The following RIMKLA variants were observed in gnomAD, a reference collection of about 807,000 sequenced individuals.
The protein encoded by RIMKLA is ribosomal modification protein rimK like family member A, also known as N-acetylaspartylglutamate synthase A.
In RIMKLA, 14 loss-of-function variants were observed where a neutral mutation model predicts 32.7. The observed-to-expected ratio is 0.43, with a 90% CI of 0.28 to 0.67. The LOEUF (loss-of-function observed/expected upper bound fraction) is 0.67. Among genes scored for constraint, RIMKLA ranks in the 30% least tolerant of loss-of-function variants. The pLI is 0.18. For synonymous variants in RIMKLA, 176 were observed against 204.1 expected (o/e 0.86, Z 1.18); for missense variants, 410 against 519.0 (o/e 0.79, Z 2.04).
rs888006172 is a variant in RIMKLA, at chr1:42,416,373, C to T, written c.*1399C>T. The T allele has an allele frequency of 1.6e-4, 24 of 152,294 alleles. No individual in the cohort carries two copies. The highest frequency in any genetic ancestry group is 1.4e-3 in the Admixed American group (21 of 15,300). The allele number at this position is 152,294 out of a possible 1,614,324, so 9.4% of individuals were successfully genotyped here. ...CTTTGAAGCCATGCAAGGCAAGAGGCCTCACAACTTTATAGTCAGACCTTG... is the reference window on the plus strand; with the variant it reads ...CTTTGAAGCCATGCAAGGCAAGAGGTCTCACAACTTTATAGTCAGACCTTG... On this transcript the variant is annotated 3_prime_UTR_variant, in exon 5 of 5. Transcript: ENST00000431473.
Position 42,399,623 on chromosome 1 carries a change from C to G in RIMKLA, c.383C>G (p.Thr128Ser), listed in dbSNP as rs1643080035. The change falls in exon 2 of 5, where the codon ACC (threonine) becomes AGC (serine). Residue 128 changes from threonine (T) to serine (S), a missense_variant. Coordinates refer to ENST00000431473, the MANE Select transcript of RIMKLA (RefSeq NM_173642.4). ...GGACATGGGGTCCCCATGCCAGACA[C>G]CTTCTCCTATGGTGAGTCAGCTTGA... ...LAGHGVPMPD[T>S]FSYGGHEDFS... The G allele has an allele frequency of 1.9e-6, 3 of 1,601,708 alleles. No individual in the cohort carries two copies. In the East Asian group the frequency reaches 6.7e-5, roughly 36 times the overall value.
rs1643268392 is a variant in RIMKLA, at chr1:42,418,330, G to C, written c.*3356G>C. 6.6e-6 allele frequency: 1 copy of C among 152,176 alleles called. No individual in the cohort carries two copies. The highest frequency in any genetic ancestry group is 2.4e-5 in the African/African-American group (1 of 41,444). 9.4% of individuals were successfully genotyped at this position (152,176 alleles called of 1,614,324 possible). On this transcript the variant is annotated 3_prime_UTR_variant, in exon 5 of 5. Coordinates refer to ENST00000431473, the MANE Select transcript of RIMKLA (RefSeq NM_173642.4). ...TGATCGGGTATGGGGTTGCCAGAAT[G>C]AGGATTTGGGGCTTTAGGTCTTTCG...
chr1:42,408,945 C>T (rs1271260001), intron 3 of RIMKLA, among the ~76,000 whole-genome samples: 2 of 151,984 alleles, frequency 1.3e-5, no homozygotes, highest in Non-Finnish European at 2.9e-5. Context: ...TGGTGACTCA[C>T]ACCTGTAATC....
Position 42,416,096 on chromosome 1 carries a change from G to GT in RIMKLA, c.*1122_*1123insT, listed in dbSNP as rs1553177722. On this transcript the variant is annotated 3_prime_UTR_variant, in exon 5 of 5. Coordinates refer to ENST00000431473, the MANE Select transcript of RIMKLA (RefSeq NM_173642.4). ...CCCATTGCACATTTTGCGGGGGGGGGGGCTAATGTAGACATGACACCAAGT... is the reference window on the plus strand; with the variant it reads ...CCCATTGCACATTTTGCGGGGGGGGGTGGCTAATGTAGACATGACACCAAGT... 1 of 131,602 alleles carries GT rather than the reference G, an allele frequency of 7.6e-6. No homozygotes were observed. The highest frequency in any genetic ancestry group is 1.7e-5 in the Non-Finnish European group (1 of 58,754). 8.2% of individuals were successfully genotyped at this position (131,602 alleles called of 1,614,324 possible).
chr1:42,381,164 C>G (rs1343744448), intron 1 of RIMKLA, 67 bp downstream of exon 1: 1 of 1,185,334 alleles, frequency 8.4e-7, no homozygotes, highest in Non-Finnish European at 1.1e-6. Flanking sequence ...GTCGGGTGGG[C>G]GCGCTCGCCG....
In RIMKLA at chr1:42,417,187, G is replaced by A. The variant is rs1225007620; in HGVS notation, c.*2213G>A. 6.6e-6 allele frequency: 1 copy of A among 152,302 alleles called. No homozygotes were observed. Among genetic ancestry groups the A allele is most frequent in the East Asian group, 1.9e-4 (1 of 5,198 alleles). 9.4% of individuals were successfully genotyped at this position (152,302 alleles called of 1,614,324 possible). On this transcript the variant is annotated 3_prime_UTR_variant, in exon 5 of 5. Coordinates refer to ENST00000431473, the MANE Select transcript of RIMKLA (RefSeq NM_173642.4). ...AAGGAGGCTAGCAGGGCCCCAGCCT[G>A]AGCAGAGCAGCTAGAGAGTGCTTCC... is the stretch of plus-strand genomic sequence containing the variant.
At chr1:42,409,436 T>C (rs1177303329) in intron 3 of RIMKLA, among the ~76,000 whole-genome samples, 1 of 152,242 alleles carries the variant, frequency 6.6e-6, no homozygotes, top group East Asian at 1.9e-4. Flanking sequence ...CACAGAATTA[T>C]GCATAGACCT....
Position 42,397,433 on chromosome 1 carries a change from G to T in RIMKLA, c.164-1971G>T, listed in dbSNP as rs182458367. 2.6e-5 allele frequency among the ~76,000 whole-genome samples: 4 copies of T among 152,314 alleles called. No individual in the cohort carries two copies. In the East Asian group the frequency reaches 7.7e-4, roughly 29 times the overall value. ...TATCTCTGTAGACTGTGTTTTAAAG[G>T]TTTTTTTGCCTGGGCACAGTGGCTT... On this transcript the variant is annotated intron_variant, in intron 1 of 4. Coordinates refer to ENST00000431473, the MANE Select transcript of RIMKLA (RefSeq NM_173642.4).
Position 42,419,389 on chromosome 1 carries a change from A to G in RIMKLA, c.*4415A>G, listed in dbSNP as rs900153147. The G allele has an allele frequency of 6.6e-6, 1 of 152,340 alleles. No individual in the cohort carries two copies. Among genetic ancestry groups the G allele is most frequent in the African/African-American group, 2.4e-5 (1 of 41,578 alleles). The allele number at this position is 152,340 out of a possible 1,614,324, so 9.4% of individuals were successfully genotyped here. A position where few individuals can be genotyped will look rare whatever the true frequency, so the allele number is the denominator to read the frequency against. ...CAGGGCAACACTAAGAAAGTCGCTTATGATCCCCATTTGAGACCATGGAAT... is the reference window on the plus strand; with the variant it reads ...CAGGGCAACACTAAGAAAGTCGCTTGTGATCCCCATTTGAGACCATGGAAT... On this transcript the variant is annotated 3_prime_UTR_variant, in exon 5 of 5. Coordinates refer to ENST00000431473, the MANE Select transcript of RIMKLA (RefSeq NM_173642.4).
In RIMKLA at chr1:42,399,469, C is replaced by T; in HGVS notation, c.229C>T (p.Pro77Ser). 6.2e-7 allele frequency: 1 copy of T among 1,613,496 alleles called. No homozygotes were observed. Among genetic ancestry groups the T allele is most frequent in the Non-Finnish European group, 8.5e-7 (1 of 1,179,794 alleles). ...TGTGGTGCTTGTACGGGTACCCACA[C>T]CCTCAGTGCAGTCAGACAGTGACAT... The part of the protein sequence containing the change: ...PDVVLVRVPT[P>S]SVQSDSDITV... Residue 77 changes from proline to serine, a missense_variant, in exon 2 of 5, where the codon CCC (proline) becomes TCC (serine). Pro to Ser is a moderately conservative substitution (Grantham distance 74). Transcript: ENST00000431473.
intron 1 of RIMKLA, among the ~76,000 whole-genome samples, chr1:42,381,333 G>A (rs1047023329): frequency 2.0e-5 from 3 of 152,196 alleles, no homozygotes; most frequent in African/African-American, 4.8e-5. Context: ...ATTTACTTAG[G>A]GGACTTCATT....
At chr1:42,388,546 A>C (rs1231571986) in intron 1 of RIMKLA, among the ~76,000 whole-genome samples, 4 of 135,350 alleles carry the variant, frequency 3.0e-5, no homozygotes, top group African/African-American at 1.1e-4. Flanking sequence ...TTGAGATGGA[A>C]TCTTGCTCTG....
chr1:42,400,807 G>A (rs1325833144), intron 2 of RIMKLA, among the ~76,000 whole-genome samples: 3 of 152,210 alleles, frequency 2.0e-5, no homozygotes, highest in Non-Finnish European at 4.4e-5. Flanking sequence ...GCAGACTAGG[G>A]AAGTGGAGCT....
Position 42,424,185 on chromosome 1 carries a change from T to C in RIMKLA, c.*9211T>C, listed in dbSNP as rs779793887. Among the ~76,000 whole-genome samples the C allele has an allele frequency of 2.0e-5, 3 of 152,230 alleles. No homozygotes were observed. Among genetic ancestry groups the C allele is most frequent in the Non-Finnish European group, 4.4e-5 (3 of 68,042 alleles). On this transcript the variant is annotated 3_prime_UTR_variant, in exon 5 of 5. Coordinates refer to ENST00000431473, the MANE Select transcript of RIMKLA (RefSeq NM_173642.4). ...GTTCTAATAAGAATACGTAAGAATG[T>C]GTCCTTGTTTTTAGAAAATACACAT...
chr1:42,400,066 A>C (rs907919883), intron 2 of RIMKLA, among the ~76,000 whole-genome samples: 1 of 152,224 alleles, frequency 6.6e-6, no homozygotes, highest in Non-Finnish European at 1.5e-5. Flanking sequence ...AAAAGAGCTA[A>C]CATAGAGTTA....
intron 1 of RIMKLA, among the ~76,000 whole-genome samples, chr1:42,388,139 C>T (rs1642965954): frequency 6.6e-6 from 1 of 152,104 alleles, no homozygotes; most frequent in African/African-American, 2.4e-5. Flanking sequence ...GAAGCAGATA[C>T]ATAGGGCCTG....
At position 42,420,246 on chromosome 1, in the gene RIMKLA, C is replaced by T. The variant is rs143531338; in HGVS notation, c.*5272C>T. ...ACCTCATTTTAAATAGCGTCTTATCCCTGCAATGCATCAGCTGAGACATGA... is the reference window on the plus strand; with the variant it reads ...ACCTCATTTTAAATAGCGTCTTATCTCTGCAATGCATCAGCTGAGACATGA... On this transcript the variant is annotated 3_prime_UTR_variant, in exon 5 of 5. Transcript: ENST00000431473. 8.5e-5 allele frequency: 13 copies of T among 152,380 alleles called. No individual in the cohort carries two copies. In the East Asian group the frequency reaches 2.5e-3, roughly 29 times the overall value. The allele number at this position is 152,380 out of a possible 1,614,324, so 9.4% of individuals were successfully genotyped here.
At chr1:42,394,518 G>T (rs1019353122) in intron 1 of RIMKLA, among the ~76,000 whole-genome samples, 1 of 152,098 alleles carries the variant, frequency 6.6e-6, no homozygotes, top group African/African-American at 2.4e-5. Context: ...AACCTAAAAC[G>T]CAATAGAGGC....
In RIMKLA at chr1:42,417,577, GAAGT is replaced by G. The variant is rs944174070; in HGVS notation, c.*2608_*2611del. The G allele has an allele frequency of 5.9e-5, 9 of 152,340 alleles. No individual in the cohort carries two copies. The highest frequency in any genetic ancestry group is 1.9e-4 in the East Asian group (1 of 5,190). 9.4% of individuals were successfully genotyped at this position (152,340 alleles called of 1,614,324 possible). A position where few individuals can be genotyped will look rare whatever the true frequency, so the allele number is the denominator to read the frequency against. On this transcript the variant is annotated 3_prime_UTR_variant, in exon 5 of 5. Coordinates refer to ENST00000431473, the MANE Select transcript of RIMKLA (RefSeq NM_173642.4). ...CTCCTTTGTTTACCTCTTTGAAGCT[GAAGT>G]AAGTGAGACTGGTGCATGTAAATTA...
Sources: allele counts gnomAD v4.1 joint callset (sites outside exome capture counted in the v4.1 genomes callset), GRCh38; gene constraint gnomAD v4.1.1; transcripts MANE v1.5; gene names NCBI Gene and HGNC (gene_info 2026-07-23, HGNC 2026-07-21).